Variants in MSRA observed in about 807,000 individuals in gnomAD.
MSRA encodes mitochondrial peptide methionine sulfoxide reductase.
Under a neutral mutation model 31.3 loss-of-function variants are expected in MSRA, and 54 were observed. The observed-to-expected ratio is 1.73, with a 90% CI of 1.39 to 2.17. The LOEUF (loss-of-function observed/expected upper bound fraction) is 2.17. Ranked by LOEUF, MSRA falls within the 30% of genes most tolerant of loss-of-function variation. The probability of loss-of-function intolerance (pLI) is 0.00; values close to 1 mark genes in which losing one functional copy is unlikely to be tolerated. For synonymous variants in MSRA, 169 were observed against 116.5 expected, an observed-to-expected ratio of 1.45 and a Z score of -2.90; for missense variants, 507 against 300.9, an observed-to-expected ratio of 1.69 and a Z score of -5.07.
chr8:10,393,061 C>CAA (rs768294679), intron 5 of MSRA, among the ~76,000 whole-genome samples: 10,286 of 76,418 alleles, frequency 0.13, 1,130 homozygotes, highest in Middle Eastern at 0.25. Context: ...GACTCCGTCT[C>CAA]AAAAAAAAAA....
chr8:10,147,913 C>T (rs556200095), intron 1 of MSRA, among the ~76,000 whole-genome samples: 45 of 152,286 alleles, frequency 3.0e-4, no homozygotes, highest in African/African-American at 9.6e-4. Flanking sequence ...CAGACTGATG[C>T]GAAACTCCAA....
At position 10,229,624 on chromosome 8, in the gene MSRA, C is replaced by T. The variant is rs548390735; in HGVS notation, c.212-15480C>T. Among the ~76,000 whole-genome samples, 9 of 152,132 alleles carry T rather than the reference C, an allele frequency of 5.9e-5. No homozygotes were observed. In the South Asian group the frequency reaches 1.0e-3, roughly 18 times the overall value. On this transcript the variant is annotated intron_variant, in intron 2 of 5. Transcript: ENST00000317173. The stretch of plus-strand genomic sequence containing the variant: ...GGAGCCTAAGAGAACAGAGTGGACA[C>T]GAACGCTTACTGAGTACCTCATAGA...
chr8:10,391,678 C>T (rs1177920839), intron 5 of MSRA, among the ~76,000 whole-genome samples: 1 of 152,120 alleles, frequency 6.6e-6, no homozygotes, highest in Non-Finnish European at 1.5e-5. Context: ...GGCTAGGAGT[C>T]GGTTCTTCTA....
intron 3 of MSRA, among the ~76,000 whole-genome samples, chr8:10,262,574 T>A (rs1298401757): frequency 6.6e-6 from 1 of 152,244 alleles, no homozygotes; most frequent in Non-Finnish European, 1.5e-5. Context: ...GGGTTGTTGT[T>A]TTCTTATTGA....
chr8:10,421,113 C>T lies in MSRA; in HGVS notation c.544-7035C>T, dbSNP rs571989745. On this transcript the variant is annotated intron_variant, in intron 5 of 5. Coordinates refer to ENST00000317173, the MANE Select transcript of MSRA (RefSeq NM_012331.5). The stretch of plus-strand genomic sequence containing the variant: ...AGTCTGACTCACATACAGGCTGATC[C>T]ATGTCTAGAGCTCCTTTGGGTATTT... 1.1e-4 allele frequency among the ~76,000 whole-genome samples: 16 copies of T among 152,242 alleles called. No individual in the cohort carries two copies. In the South Asian group the frequency reaches 1.2e-3, roughly 12 times the overall value.
In MSRA at chr8:10,334,213, TG is replaced by T. The variant is rs1457654184; in HGVS notation, c.543+14225del. On this transcript the variant is annotated intron_variant, in intron 5 of 5. Coordinates refer to ENST00000317173, the MANE Select transcript of MSRA (RefSeq NM_012331.5). ...ATGTGTGTGTGTGTGTGTGTGTGTG[TG>T]TCTGGGTATATATACACACACATTT... Among the ~76,000 whole-genome samples, 927 of 151,474 alleles carry T rather than the reference TG, an allele frequency of 6.1e-3. 4 individuals carry two copies. The highest frequency in any genetic ancestry group is 0.021 in the African/African-American group (852 of 41,158).
At chr8:10,419,894 G>T (rs1376937429) in intron 5 of MSRA, among the ~76,000 whole-genome samples, 2 of 152,154 alleles carry the variant, frequency 1.3e-5, no homozygotes, top group African/African-American at 4.8e-5. Flanking sequence ...CATATGCTTG[G>T]GGCAAGTCCT....
chr8:10,141,949 T>G (rs770988101), intron 1 of MSRA, among the ~76,000 whole-genome samples: 9 of 152,120 alleles, frequency 5.9e-5, no homozygotes, highest in Non-Finnish European at 1.0e-4. Context: ...TCTCCCAATT[T>G]TCAGGATTTT....
chr8:10,277,042 A>G (rs1381241504), intron 3 of MSRA, among the ~76,000 whole-genome samples: 2 of 152,188 alleles, frequency 1.3e-5, no homozygotes, highest in Non-Finnish European at 2.9e-5. Flanking sequence ...AGCTTTTCTA[A>G]ATAAGAAAGT....
intron 3 of MSRA, chr8:10,250,685 C>A (rs1797869754): frequency 1.8e-6 from 1 of 559,800 alleles, no homozygotes; most frequent in African/African-American, 1.9e-5. Context: ...CCTCGTGTGA[C>A]CCTCTGGGGG....
chr8:10,334,188 A>ATGTGTG (rs61031081), intron 5 of MSRA, among the ~76,000 whole-genome samples: 6 of 137,006 alleles, frequency 4.4e-5, no homozygotes, highest in Admixed American at 3.5e-4. Context: ...GTGTGTATTT[A>ATGTGTG]TGTGTGTGTG....
chr8:10,212,592 C>T (rs1004617404), intron 2 of MSRA, among the ~76,000 whole-genome samples: 4 of 152,124 alleles, frequency 2.6e-5, no homozygotes, highest in South Asian at 2.1e-4. Context: ...AAAGTTAATG[C>T]GTATTCATAA....
At chr8:10,358,898 A>G (rs1490805054) in intron 5 of MSRA, among the ~76,000 whole-genome samples, 2 of 152,104 alleles carry the variant, frequency 1.3e-5, no homozygotes, top group African/African-American at 2.4e-5. Context: ...AGATTCTTAT[A>G]GGAGCAGGAA....
intron 1 of MSRA, among the ~76,000 whole-genome samples, chr8:10,187,562 CAACA>C (rs1374892738): frequency 6.6e-6 from 1 of 152,156 alleles, no homozygotes; most frequent in Non-Finnish European, 1.5e-5. Context: ...ATACATTTCT[CAACA>C]AACTGAGGCC....
chr8:10,414,693 C>T (rs1808352527), intron 5 of MSRA, among the ~76,000 whole-genome samples: 1 of 152,318 alleles, frequency 6.6e-6, no homozygotes. Context: ...TCTATTCAAC[C>T]TTTTGGAATG....
intron 5 of MSRA, among the ~76,000 whole-genome samples, chr8:10,407,047 T>G (rs1179315134): frequency 1.3e-5 from 2 of 152,006 alleles, no homozygotes; most frequent in African/African-American, 2.4e-5. Flanking sequence ...TTGGCTAATT[T>G]TTTTATTTTT....
intron 5 of MSRA, among the ~76,000 whole-genome samples, chr8:10,425,859 G>GT (rs1386714402): frequency 3.3e-5 from 5 of 152,254 alleles, no homozygotes; most frequent in African/African-American, 1.2e-4. Flanking sequence ...GGATACAGCT[G>GT]TAAGAGATGA....
chr8:10,163,593 C>T (rs1804858931), intron 1 of MSRA, among the ~76,000 whole-genome samples: 1 of 152,212 alleles, frequency 6.6e-6, no homozygotes, highest in African/African-American at 2.4e-5. Flanking sequence ...CAGATAAAGC[C>T]AGCACATGTC....
intron 1 of MSRA, among the ~76,000 whole-genome samples, chr8:10,158,597 T>C (rs1292282649): frequency 4.6e-5 from 7 of 152,264 alleles, no homozygotes; most frequent in Admixed American, 4.6e-4. Flanking sequence ...GTATCCATAA[T>C]TGTATGGAGA....
Sources: allele counts gnomAD v4.1 joint callset (sites outside exome capture counted in the v4.1 genomes callset), GRCh38; gene constraint gnomAD v4.1.1; transcripts MANE v1.5; gene names NCBI Gene and HGNC (gene_info 2026-07-23, HGNC 2026-07-21).